Variants in ZRANB3 observed in about 807,000 individuals in gnomAD.
ZRANB3 encodes the protein zinc finger RANBP2-type containing 3.
In ZRANB3, 125 loss-of-function variants were observed where a neutral mutation model predicts 133.8. The ratio of observed to expected loss-of-function variants is 0.93; its 90% CI spans 0.81 to 1.08. The LOEUF (loss-of-function observed/expected upper bound fraction) is 1.08, where lower values mean the gene tolerates loss of function less well. Among genes scored for constraint, ZRANB3 ranks in the 50% least tolerant of loss-of-function variants. The pLI is 0.00. For missense variants in ZRANB3, 1,229 were observed against 1,275.5 expected (o/e 0.96, Z 0.56); for synonymous variants, 387 against 432.7 (o/e 0.89, Z 1.31).
chr2:135,425,716 T>G (rs1000610660), intron 2 of ZRANB3, among the ~76,000 whole-genome samples: 1 of 152,040 alleles, frequency 6.6e-6, no homozygotes, highest in Admixed American at 6.6e-5. Flanking sequence ...AAGTTTACAG[T>G]GCTAAACACC....
chr2:135,205,388 G>T (rs569450807), intron 19 of ZRANB3, among the ~76,000 whole-genome samples: 5 of 152,172 alleles, frequency 3.3e-5, no homozygotes, highest in Non-Finnish European at 7.3e-5. Context: ...TCCTATCTCA[G>T]CCAACCAAGT....
chr2:135,504,271 G>GT, intron 2 of ZRANB3, 58 bp downstream of exon 2: 1 of 1,597,402 alleles, frequency 6.3e-7, no homozygotes, highest in Non-Finnish European at 8.6e-7. Context: ...ACAGAACTTT[G>GT]TTTTTAATAC....
At chr2:135,320,295 GGTAAAGTGCATA>G (rs1233416603) in intron 6 of ZRANB3, among the ~76,000 whole-genome samples, 1 of 152,122 alleles carries the variant, frequency 6.6e-6, no homozygotes, top group Non-Finnish European at 1.5e-5. Flanking sequence ...TTATCAAAGA[GGTAAAGTGCATA>G]GAACAAAGAG....
chr2:135,247,388 T>C (rs1180811427), intron 12 of ZRANB3, among the ~76,000 whole-genome samples: 1 of 152,120 alleles, frequency 6.6e-6, no homozygotes, highest in Non-Finnish European at 1.5e-5. Flanking sequence ...AAAATGTTCA[T>C]TCCCATACAG....
intron 1 of ZRANB3, among the ~76,000 whole-genome samples, chr2:135,513,655 G>C (rs1017791538): frequency 2.0e-5 from 3 of 152,136 alleles, no homozygotes; most frequent in African/African-American, 4.8e-5. Context: ...TTATGGTATG[G>C]TTTTAGACAA....
chr2:135,314,154 G>A (rs1004431530), intron 7 of ZRANB3, among the ~76,000 whole-genome samples: 3 of 152,042 alleles, frequency 2.0e-5, no homozygotes, highest in Non-Finnish European at 4.4e-5. Context: ...GTGAGCCACC[G>A]CACCCTGGCC....
At chr2:135,483,604 C>T (rs1196428976) in intron 2 of ZRANB3, among the ~76,000 whole-genome samples, 1 of 151,976 alleles carries the variant, frequency 6.6e-6, no homozygotes, top group East Asian at 1.9e-4. Context: ...TTTTGTGTCT[C>T]TATTTCCTTC....
At chr2:135,263,942 AT>A (rs778377579) in intron 12 of ZRANB3, among the ~76,000 whole-genome samples, 774 of 139,140 alleles carry the variant, frequency 5.6e-3, no homozygotes, top group African/African-American at 9.9e-3. Context: ...CGCCCGGCTA[AT>A]TTTTTTTTTT....
intron 8 of ZRANB3, among the ~76,000 whole-genome samples, chr2:135,291,500 G>C (rs1681728788): frequency 6.6e-6 from 1 of 151,826 alleles, no homozygotes; most frequent in Non-Finnish European, 1.5e-5. Context: ...ATTATTCTTA[G>C]GTTTGGTTGT....
chr2:135,489,627 G>C (rs1692287839), intron 2 of ZRANB3, among the ~76,000 whole-genome samples: 1 of 151,390 alleles, frequency 6.6e-6, no homozygotes, highest in South Asian at 2.1e-4. Flanking sequence ...TTACAGGTCA[G>C]AGAAATAAAA....
At chr2:135,277,753 C>T (rs112843880) in intron 8 of ZRANB3, among the ~76,000 whole-genome samples, 6,715 of 151,786 alleles carry the variant, frequency 0.044, 496 homozygotes, top group African/African-American at 0.15. Context: ...GGTGAAACCC[C>T]GTCTCTACTA....
At chr2:135,471,549 C>T (rs1023295586) in intron 2 of ZRANB3, among the ~76,000 whole-genome samples, 6 of 152,074 alleles carry the variant, frequency 3.9e-5, no homozygotes, top group Admixed American at 2.0e-4. Context: ...AACAAAATAT[C>T]GTAACTATTT....
At chr2:135,269,572 C>T (rs947402964) in intron 10 of ZRANB3, among the ~76,000 whole-genome samples, 7 of 152,246 alleles carry the variant, frequency 4.6e-5, no homozygotes, top group African/African-American at 1.4e-4. Context: ...AAGAAAACAA[C>T]GTCTCTGGTT....
chr2:135,311,904 T>G (rs1049838828), intron 8 of ZRANB3, among the ~76,000 whole-genome samples: 9 of 152,168 alleles, frequency 5.9e-5, no homozygotes, highest in Non-Finnish European at 5.9e-5. Context: ...CATGCTATTG[T>G]TCCATTTTTG....
chr2:135,263,942 ATT>A (rs778377579), intron 12 of ZRANB3, among the ~76,000 whole-genome samples: 6 of 139,262 alleles, frequency 4.3e-5, no homozygotes, highest in Admixed American at 7.2e-5. Context: ...CGCCCGGCTA[ATT>A]TTTTTTTTTT....
At chr2:135,276,886 G>A (rs1195856910) in intron 8 of ZRANB3, among the ~76,000 whole-genome samples, 1 of 152,156 alleles carries the variant, frequency 6.6e-6, no homozygotes, top group Middle Eastern at 3.2e-3. Context: ...GTAGGAGTGT[G>A]GTTAGGAGGA....
chr2:135,510,580 A>G, intron 1 of ZRANB3: 2 of 728,328 alleles, frequency 2.7e-6, no homozygotes, highest in Non-Finnish European at 4.9e-6. Context: ...TCCCACTCCA[A>G]ATCCTGCTTT....
At chr2:135,399,775 G>A (rs1460440517) in intron 2 of ZRANB3, among the ~76,000 whole-genome samples, 1 of 152,188 alleles carries the variant, frequency 6.6e-6, no homozygotes, top group Non-Finnish European at 1.5e-5. Context: ...TTGGTACATG[G>A]TCACGGGGAA....
intron 2 of ZRANB3, among the ~76,000 whole-genome samples, chr2:135,497,792 C>T (rs1384951470): frequency 6.6e-6 from 1 of 152,072 alleles, no homozygotes; most frequent in African/African-American, 2.4e-5. Flanking sequence ...GTGGCTCACA[C>T]TTATCATCCC....
Sources: allele counts gnomAD v4.1 joint callset (sites outside exome capture counted in the v4.1 genomes callset), GRCh38; gene constraint gnomAD v4.1.1; transcripts MANE v1.5; gene names NCBI Gene and HGNC (gene_info 2026-07-23, HGNC 2026-07-21).